CADPS: variants seen among roughly 807,000 people sequenced by gnomAD.
CADPS encodes calcium dependent secretion activator, also known as calcium-dependent secretion activator 1.
Under a neutral mutation model 167.3 loss-of-function variants are expected in CADPS, and 57 were observed. The observed-to-expected ratio is 0.34, with a 90% CI of 0.28 to 0.42. CADPS has a LOEUF of 0.42. Among genes scored for constraint, CADPS ranks in the 20% least tolerant of loss-of-function variants. CADPS has a pLI of 1.00. For missense variants in CADPS, 1,414 were observed against 1,738.1 expected (o/e 0.81, Z 3.32); for synonymous variants, 676 against 635.3 (o/e 1.06, Z -0.96).
intron 1 of CADPS, among the ~76,000 whole-genome samples, chr3:62,789,765 G>T (rs2152725413): frequency 6.6e-6 from 1 of 152,260 alleles, no homozygotes; most frequent in Admixed American, 6.5e-5. Flanking sequence ...ATATTGCAGT[G>T]CAGTGAGAAT....
intron 3 of CADPS, among the ~76,000 whole-genome samples, chr3:62,752,437 A>G (rs1277472761): frequency 6.6e-6 from 1 of 152,238 alleles, no homozygotes; most frequent in Non-Finnish European, 1.5e-5. Context: ...GACTCTTACT[A>G]AAACATCCAG....
chr3:62,602,633 T>C lies in CADPS; in HGVS notation c.1326-9885A>G, dbSNP rs140447935. 9.2e-4 allele frequency among the ~76,000 whole-genome samples: 140 copies of C among 152,268 alleles called. 2 individuals carry two copies. In the East Asian group the frequency reaches 0.02, roughly 21 times the overall value. ...ATAGGCTGGGCTTTGGGTTCTTTAG[T>C]GTACTAGAAAAGCTAAGCTACCTCT... On this transcript the variant is annotated intron_variant, in intron 6 of 29. Coordinates refer to ENST00000383710, the MANE Select transcript of CADPS (RefSeq NM_003716.4). This position sits in a 1 kb window ranked among gnomAD's most constrained non-coding sequence, Gnocchi z 4.4.
At chr3:62,608,115 C>G (rs893084641) in intron 6 of CADPS, among the ~76,000 whole-genome samples, 1 of 152,076 alleles carries the variant, frequency 6.6e-6, no homozygotes, top group Non-Finnish European at 1.5e-5. Context: ...TACCTGAGTT[C>G]CCAGTTGCAT....
intron 11 of CADPS, among the ~76,000 whole-genome samples, chr3:62,543,583 G>A (rs1003300281): frequency 1.1e-4 from 16 of 151,968 alleles, no homozygotes; most frequent in African/African-American, 1.9e-4. Context: ...GGTGAAAAAC[G>A]TCTGTCTGCT....
intron 1 of CADPS, among the ~76,000 whole-genome samples, chr3:62,777,571 G>A (rs1210626944): frequency 6.6e-6 from 1 of 152,172 alleles, no homozygotes; most frequent in Non-Finnish European, 1.5e-5. Context: ...ATCTGTATTG[G>A]CTCATCAACT....
intron 23 of CADPS, among the ~76,000 whole-genome samples, chr3:62,476,367 G>T (rs181427738): frequency 6.6e-6 from 1 of 152,100 alleles, no homozygotes; most frequent in Non-Finnish European, 1.5e-5. Context: ...CTGTAGGTCC[G>T]GGGGTATTTC....
At chr3:62,436,017 T>A (rs984362108) in intron 28 of CADPS, among the ~76,000 whole-genome samples, 1 of 152,068 alleles carries the variant, frequency 6.6e-6, no homozygotes, top group Non-Finnish European at 1.5e-5. Flanking sequence ...TTGCCTGTGG[T>A]CTTCAACAGT....
chr3:62,824,955 A>AT, intron 1 of CADPS, among the ~76,000 whole-genome samples: 1 of 152,272 alleles, frequency 6.6e-6, no homozygotes, highest in South Asian at 2.1e-4. Flanking sequence ...TCAGCTTTAC[A>AT]TACCAACACA....
intron 3 of CADPS, among the ~76,000 whole-genome samples, 194 bp from the exon 4 acceptor site, chr3:62,662,588 G>A (rs2073512698): frequency 6.6e-6 from 1 of 152,202 alleles, no homozygotes; most frequent in African/African-American, 2.4e-5. Flanking sequence ...GATATGGTAG[G>A]CAGCTGCTAA....
At chr3:62,669,172 A>G (rs978563734) in intron 3 of CADPS, among the ~76,000 whole-genome samples, 1 of 152,064 alleles carries the variant, frequency 6.6e-6, no homozygotes, top group South Asian at 2.1e-4. Context: ...CTTTCTCTCT[A>G]CTTCCCAGTG....
intron 2 of CADPS, among the ~76,000 whole-genome samples, chr3:62,761,867 C>A (rs2085530400): frequency 5.3e-5 from 8 of 152,200 alleles, no homozygotes; most frequent in Admixed American, 5.2e-4. Flanking sequence ...CAGCCCCCAG[C>A]CCTTGGCCCT....
chr3:62,445,714 A>AAG, intron 27 of CADPS, 51 bp downstream of exon 27: 1 of 1,209,266 alleles, frequency 8.3e-7, no homozygotes, highest in Non-Finnish European at 1.1e-6. Context: ...GTAAAAATGA[A>AAG]AAAAAAAAAA....
At chr3:62,695,999 T>C (rs1465233911) in intron 3 of CADPS, among the ~76,000 whole-genome samples, 1 of 152,132 alleles carries the variant, frequency 6.6e-6, no homozygotes, top group African/African-American at 2.4e-5. Context: ...TGTATGTCTT[T>C]TCTTCGATTA....
intron 17 of CADPS, among the ~76,000 whole-genome samples, chr3:62,511,362 C>T (rs1247230793): frequency 6.6e-6 from 1 of 152,132 alleles, no homozygotes. Context: ...TCTGCCTGGG[C>T]TGACTCCAGC....
At chr3:62,768,446 A>G (rs1033412044) in intron 1 of CADPS, among the ~76,000 whole-genome samples, 12 of 152,206 alleles carry the variant, frequency 7.9e-5, no homozygotes, top group Admixed American at 7.9e-4. Context: ...AAATAAAATT[A>G]TGCACATACC....
chr3:62,420,529 A>G lies in CADPS; in HGVS notation c.3778-17344T>C, dbSNP rs543440071. ...TGAAGGCTGGAGGAGGGAAGATGGC[A>G]GCAGATTGGGGAGAGCATGGCAGGC... On this transcript the variant is annotated intron_variant, in intron 28 of 29. Transcript: ENST00000383710. This position sits in a 1 kb window ranked among gnomAD's most constrained non-coding sequence, Gnocchi z 4.1. Among the ~76,000 whole-genome samples, 3 of 152,258 alleles carry G rather than the reference A, an allele frequency of 2.0e-5. No homozygotes were observed. The South Asian group carries it at 6.2e-4, about 32-fold the overall frequency.
intron 26 of CADPS, among the ~76,000 whole-genome samples, chr3:62,464,395 C>T (rs1014053094): frequency 3.9e-5 from 6 of 152,130 alleles, no homozygotes; most frequent in Admixed American, 6.5e-5. Flanking sequence ...GACCCACAGG[C>T]AGTGGGTCCT....
intron 13 of CADPS, among the ~76,000 whole-genome samples, chr3:62,520,569 C>T (rs780532715): frequency 7.9e-5 from 12 of 152,068 alleles, no homozygotes; most frequent in East Asian, 3.9e-4. Flanking sequence ...TATGTCAGCG[C>T]GACAACTTTT....
intron 1 of CADPS, among the ~76,000 whole-genome samples, chr3:62,806,351 C>T (rs1022516324): frequency 1.6e-5 from 2 of 126,174 alleles, no homozygotes; most frequent in Admixed American, 8.8e-5. Flanking sequence ...AGCAAGACCT[C>T]GTCTTTAGTT....
Sources: gnomAD v4.1 joint callset for allele counts (sites outside exome capture counted in the v4.1 genomes callset) on GRCh38, gnomAD v4.1.1 for gene constraint, Gnocchi (gnomAD v3.1) non-coding constraint, MANE v1.5 for transcripts, NCBI Gene and HGNC (gene_info 2026-07-23, HGNC 2026-07-21) for gene names.